The following GPC4 variants were observed in gnomAD, a reference collection of about 807,000 sequenced individuals.
GPC4 encodes the protein glypican-4.
Under a neutral mutation model 35.0 loss-of-function variants are expected in GPC4, and 10 were observed. That is an observed-to-expected ratio of 0.29 (90% confidence interval 0.18 to 0.48). The LOEUF is 0.48. GPC4 is among the 20% of genes least tolerant of loss of function. The pLI is 0.99. For synonymous variants in GPC4, 167 were observed against 170.2 expected (o/e 0.98, Z 0.15); for missense variants, 322 against 451.3 (o/e 0.71, Z 2.60).
intron 2 of GPC4, among the ~76,000 whole-genome samples, chrX:133,329,437 G>A (rs2068409105): frequency 1.8e-5 from 2 of 111,468 alleles, no homozygotes; most frequent in Non-Finnish European, 3.8e-5. Context: ...AAAGCTGCTG[G>A]AGGTCTTCTA....
intron 1 of GPC4, among the ~76,000 whole-genome samples, chrX:133,401,788 T>G (rs767531774): frequency 8.9e-6 from 1 of 111,749 alleles, no homozygotes; most frequent in African/African-American, 3.2e-5. Flanking sequence ...ACCAGCCAGC[T>G]GGGGGCATTT....
At chrX:133,312,561 G>A (rs1043488707) in intron 3 of GPC4, among the ~76,000 whole-genome samples, 5 of 104,209 alleles carry the variant, frequency 4.8e-5, no homozygotes, top group East Asian at 6.1e-4. Flanking sequence ...CCTGGGAGAC[G>A]GAGGTTGCAG....
chrX:133,361,295 C>T (rs2068566488), intron 1 of GPC4, among the ~76,000 whole-genome samples: 1 of 111,968 alleles, frequency 8.9e-6, no homozygotes, highest in Non-Finnish European at 1.9e-5. Context: ...TGATACGCTA[C>T]CAGAAAACTG....
chrX:133,338,676 T>C (rs1299893951), intron 2 of GPC4, among the ~76,000 whole-genome samples: 1 of 111,581 alleles, frequency 9.0e-6, no homozygotes. Context: ...ATGAAGACTA[T>C]AGTAAAATGG....
At chrX:133,370,239 C>G (rs996686377) in intron 1 of GPC4, among the ~76,000 whole-genome samples, 8 of 111,595 alleles carry the variant, frequency 7.2e-5, no homozygotes, top group Non-Finnish European at 1.5e-4. Context: ...AATCTGTCCC[C>G]AAAATTTTCT....
At position 133,300,616 on chromosome X, in the gene GPC4, A is replaced by G. The variant is rs1318155109; in HGVS notation, c.*2251T>C. The stretch of plus-strand genomic sequence containing the variant: ...AAAGCAAGAGACAATTTAAATAATA[A>G]AAGAGTAACAGGAAAAAATGCAAAG... On this transcript the variant is annotated 3_prime_UTR_variant, in exon 9 of 9. Transcript: ENST00000370828. 1.8e-5 allele frequency: 2 copies of G among 112,159 alleles called. No homozygotes were observed. Among genetic ancestry groups the G allele is most frequent in the African/African-American group, 6.5e-5 (2 of 30,886 alleles). The allele number at this position is 112,159 out of a possible 1,213,427, so 9.2% of individuals were successfully genotyped here.
intron 1 of GPC4, among the ~76,000 whole-genome samples, chrX:133,359,234 G>C (rs1317734856): frequency 9.0e-6 from 1 of 111,449 alleles, no homozygotes; most frequent in African/African-American, 3.3e-5. Context: ...CAAAAGCAGG[G>C]CATTACTGAG....
intron 4 of GPC4, among the ~76,000 whole-genome samples, chrX:133,308,776 G>C (rs1184941682): frequency 9.0e-6 from 1 of 110,990 alleles, no homozygotes; most frequent in Non-Finnish European, 1.9e-5. Flanking sequence ...CAGCAACAAA[G>C]CATCCCCTTC....
At chrX:133,346,199 G>A (rs1292318328) in intron 1 of GPC4, among the ~76,000 whole-genome samples, 1 of 111,500 alleles carries the variant, frequency 9.0e-6, no homozygotes, top group Non-Finnish European at 1.9e-5. Context: ...AAGGCGGGGC[G>A]GGGCATGGTG....
chrX:133,342,840 T>G (rs1211739278), intron 1 of GPC4, among the ~76,000 whole-genome samples: 1 of 111,453 alleles, frequency 9.0e-6, no homozygotes, highest in African/African-American at 3.3e-5. Context: ...ATTTCTACTT[T>G]AAGCACCCAA....
intron 1 of GPC4, among the ~76,000 whole-genome samples, chrX:133,341,565 A>T (rs1316546291): frequency 9.0e-6 from 1 of 111,059 alleles, no homozygotes; most frequent in Non-Finnish European, 1.9e-5. Flanking sequence ...ATACTCACCT[A>T]ATGTTAACAG....
At chrX:133,314,759 G>A (rs777179244) in intron 3 of GPC4, among the ~76,000 whole-genome samples, 29 of 111,848 alleles carry the variant, frequency 2.6e-4, no homozygotes, top group Non-Finnish European at 4.9e-4. Flanking sequence ...AAGCAAATCC[G>A]TTTTAGTGGG....
In GPC4 at chrX:133,393,342, A is replaced by G. The variant is rs144378323; in HGVS notation, c.160+21464T>C. Among the ~76,000 whole-genome samples, 113 of 111,562 alleles carry G rather than the reference A, an allele frequency of 1.0e-3. 2 individuals carry two copies. Among genetic ancestry groups the G allele is most frequent in the African/African-American group, 3.4e-3 (105 of 30,700 alleles). ...AAAAGGCACTACCCTTCAAGCAACTAATTTGTAGTTCAGGTTTAACCCACT... is the reference window on the plus strand; with the variant it reads ...AAAAGGCACTACCCTTCAAGCAACTGATTTGTAGTTCAGGTTTAACCCACT... On this transcript the variant is annotated intron_variant, in intron 1 of 8. Coordinates refer to ENST00000370828, the MANE Select transcript of GPC4 (RefSeq NM_001448.3).
At chrX:133,404,868 A>C (rs907031491) in intron 1 of GPC4, among the ~76,000 whole-genome samples, 16 of 105,047 alleles carry the variant, frequency 1.5e-4, no homozygotes, top group Non-Finnish European at 2.1e-4. Context: ...AAAAAAAAAA[A>C]GGTGCAGAGG....
At chrX:133,306,230 AT>A (rs200592105) in intron 4 of GPC4, 76 bp from the exon 5 acceptor site, 31 of 1,089,967 alleles carry the variant, frequency 2.8e-5, no homozygotes, top group South Asian at 9.8e-5. Context: ...AATCAATCTG[AT>A]TTTTTTTTCT....
At position 133,300,817 on chromosome X, in the gene GPC4, C is replaced by G. The variant is rs1260986435; in HGVS notation, c.*2050G>C. 9.0e-6 allele frequency: 1 copy of G among 111,585 alleles called. No individual in the cohort carries two copies. The highest frequency in any genetic ancestry group is 1.9e-5 in the Non-Finnish European group (1 of 53,132). 9.2% of individuals were successfully genotyped at this position (111,585 alleles called of 1,213,427 possible). A position where few individuals can be genotyped will look rare whatever the true frequency, so the allele number is the denominator to read the frequency against. On this transcript the variant is annotated 3_prime_UTR_variant, in exon 9 of 9. Coordinates refer to ENST00000370828, the MANE Select transcript of GPC4 (RefSeq NM_001448.3). ...AACTCTCTGAGCCATATTTTGGAGACCAGATTCATTTCTACCAAGTAAAAG... is the reference window on the plus strand; with the variant it reads ...AACTCTCTGAGCCATATTTTGGAGAGCAGATTCATTTCTACCAAGTAAAAG...
intron 1 of GPC4, among the ~76,000 whole-genome samples, chrX:133,357,560 C>T (rs1210821748): frequency 1.8e-5 from 2 of 108,480 alleles, no homozygotes; most frequent in African/African-American, 3.4e-5. Context: ...GTATTTTTTT[C>T]GTTTTTTAAG....
At chrX:133,388,226 C>T (rs768986826) in intron 1 of GPC4, among the ~76,000 whole-genome samples, 4 of 112,059 alleles carry the variant, frequency 3.6e-5, no homozygotes, top group Non-Finnish European at 7.5e-5. Flanking sequence ...TGTCAGTGAC[C>T]GGTCTTAACC....
At chrX:133,364,842 A>C (rs1380886876) in intron 1 of GPC4, among the ~76,000 whole-genome samples, 1 of 112,149 alleles carries the variant, frequency 8.9e-6, no homozygotes, top group Admixed American at 9.5e-5. Context: ...ACAGCTAAAA[A>C]ACGTGCTTCC....
Sources: allele counts gnomAD v4.1 joint callset (sites outside exome capture counted in the v4.1 genomes callset), GRCh38; gene constraint gnomAD v4.1.1; transcripts MANE v1.5; gene names NCBI Gene and HGNC (gene_info 2026-07-23, HGNC 2026-07-21).